GRM5: variants seen among roughly 807,000 people sequenced by gnomAD.
GRM5 encodes metabotropic glutamate receptor 5.
GRM5 carries 19 observed loss-of-function variants against 83.1 expected under a neutral mutation model. The ratio of observed to expected loss-of-function variants is 0.23; its 90% CI spans 0.16 to 0.34. GRM5 has a LOEUF of 0.34. Ranked by LOEUF, GRM5 falls within the 10% of genes least tolerant of loss-of-function variation. GRM5 has a pLI of 1.00. For synonymous variants in GRM5, 675 were observed against 633.6 expected (o/e 1.07, Z -0.98); for missense variants, 1,160 against 1,588.3 (o/e 0.73, Z 4.58).
At chr11:88,590,353 C>T (rs1326387179) in intron 7 of GRM5, among the ~76,000 whole-genome samples, 1 of 152,092 alleles carries the variant, frequency 6.6e-6, no homozygotes. Flanking sequence ...GGGAAGAATG[C>T]CCAGTAGACA....
At chr11:88,821,751 C>T (rs1943799397) in intron 3 of GRM5, among the ~76,000 whole-genome samples, 1 of 152,098 alleles carries the variant, frequency 6.6e-6, no homozygotes. Flanking sequence ...TAAATCACTT[C>T]AAATTTTGAA....
intron 4 of GRM5, among the ~76,000 whole-genome samples, chr11:88,614,634 T>G (rs2135246744): frequency 6.6e-6 from 1 of 152,314 alleles, no homozygotes; most frequent in Non-Finnish European, 1.5e-5. Flanking sequence ...ACACTGTTTA[T>G]TGCATTGAAT....
At chr11:88,523,365 C>A (rs1049393680) in intron 9 of GRM5, among the ~76,000 whole-genome samples, 1 of 152,146 alleles carries the variant, frequency 6.6e-6, no homozygotes, top group African/African-American at 2.4e-5. Context: ...CTGGGAAGAG[C>A]CCTTGAGCAC....
At chr11:89,044,429 A>G (rs769503272) in intron 2 of GRM5, among the ~76,000 whole-genome samples, 6 of 152,208 alleles carry the variant, frequency 3.9e-5, no homozygotes, top group Non-Finnish European at 5.9e-5. Context: ...GTAAGAGATT[A>G]ACATCGAAGC....
chr11:88,558,309 G>A (rs938974644), intron 8 of GRM5, among the ~76,000 whole-genome samples: 3 of 152,072 alleles, frequency 2.0e-5, no homozygotes, highest in African/African-American at 7.2e-5. Context: ...TGTAAATACA[G>A]CCCCACATTC....
chr11:88,519,981 T>A (rs924809), intron 9 of GRM5, among the ~76,000 whole-genome samples: 94,710 of 152,022 alleles, frequency 0.62, 29,673 homozygotes, highest in South Asian at 0.67. Context: ...TGACACTCCG[T>A]GGTCACACAC....
intron 3 of GRM5, among the ~76,000 whole-genome samples, chr11:88,666,972 C>T (rs1755419890): frequency 6.6e-6 from 1 of 151,954 alleles, no homozygotes; most frequent in Non-Finnish European, 1.5e-5. Context: ...AACCCCATCC[C>T]AATCATTAGA....
chr11:88,793,749 G>A (rs1394620019), intron 3 of GRM5, among the ~76,000 whole-genome samples: 1 of 152,166 alleles, frequency 6.6e-6, no homozygotes, highest in Non-Finnish European at 1.5e-5. Context: ...AAGAAGTTAA[G>A]TAAGAAAGAA....
intron 2 of GRM5, among the ~76,000 whole-genome samples, chr11:88,923,332 A>C (rs1945725830): frequency 6.6e-6 from 1 of 152,152 alleles, no homozygotes; most frequent in Non-Finnish European, 1.5e-5. Flanking sequence ...GGATAAGGCA[A>C]ATGTAGCGCA....
chr11:88,860,801 T>C (rs547901988), intron 2 of GRM5, among the ~76,000 whole-genome samples: 4 of 152,162 alleles, frequency 2.6e-5, no homozygotes, highest in Non-Finnish European at 5.9e-5. Flanking sequence ...GCACTGTCAT[T>C]GTTGCCAAAT....
Position 88,567,384 on chromosome 11 carries a change from T to C in GRM5, c.2299A>G (p.Asn767Asp), listed in dbSNP as rs202028394. The C allele has an allele frequency of 6.2e-7, 1 of 1,614,114 alleles. No individual in the cohort carries two copies. The highest frequency in any genetic ancestry group is 8.5e-7 in the Non-Finnish European group (1 of 1,179,946). Reference protein sequence around the residue: ...YAFKTRNVPANFNEAKYIAFT... With the variant: ...YAFKTRNVPADFNEAKYIAFT... ...GCGATATACTTGGCCTCGTTGAAGTTAGCTGGAACATTTCTGGTCTTGAAC... is the reference window on the plus strand; with the variant it reads ...GCGATATACTTGGCCTCGTTGAAGTCAGCTGGAACATTTCTGGTCTTGAAC... Residue 767 changes from asparagine (N) to aspartate (D), a missense_variant, in exon 8 of 10, where the codon AAC (asparagine) becomes GAC (aspartate). Physicochemically the swap from Asn to Asp is conservative, Grantham distance 23. Around this residue, in one of 9 missense-constraint regions of GRM5, gnomAD observed 66 missense variants for 138.6 expected, o/e 0.48. Coordinates refer to ENST00000305447, the MANE Select transcript of GRM5 (RefSeq NM_001143831.3). This position sits in a 1 kb window ranked among gnomAD's most constrained non-coding sequence, Gnocchi z 7.3.
intron 2 of GRM5, among the ~76,000 whole-genome samples, chr11:88,851,938 G>T (rs1194617654): frequency 6.6e-6 from 1 of 152,062 alleles, no homozygotes; most frequent in Non-Finnish European, 1.5e-5. Flanking sequence ...GTGCCAAAGG[G>T]CCTAAATTAC....
chr11:88,796,144 T>A (rs573643557), intron 3 of GRM5, among the ~76,000 whole-genome samples: 1 of 152,246 alleles, frequency 6.6e-6, no homozygotes, highest in South Asian at 2.1e-4. Flanking sequence ...AAATAAGTAG[T>A]GGGAGAGACA....
intron 2 of GRM5, among the ~76,000 whole-genome samples, chr11:88,931,719 G>C (rs1590974344): frequency 6.6e-6 from 1 of 152,010 alleles, no homozygotes; most frequent in Non-Finnish European, 1.5e-5. Context: ...TTTTATTGTG[G>C]ATGATGTCAC....
chr11:88,890,307 C>T (rs1945122412), intron 2 of GRM5, among the ~76,000 whole-genome samples: 2 of 152,116 alleles, frequency 1.3e-5, no homozygotes, highest in African/African-American at 4.8e-5. Flanking sequence ...TAGGGATCTG[C>T]CTTTGCCTTC....
intron 4 of GRM5, among the ~76,000 whole-genome samples, chr11:88,632,451 C>T (rs1371916840): frequency 2.0e-5 from 3 of 151,934 alleles, no homozygotes; most frequent in African/African-American, 7.2e-5. Context: ...CCAGGTTGAT[C>T]TCGAGCTCCT....
At chr11:88,986,267 A>C (rs1338433977) in intron 2 of GRM5, among the ~76,000 whole-genome samples, 1 of 152,188 alleles carries the variant, frequency 6.6e-6, no homozygotes, top group Non-Finnish European at 1.5e-5. Flanking sequence ...GTATGGTTCA[A>C]TTTATATAAC....
At chr11:88,822,444 T>C (rs1943815553) in intron 3 of GRM5, among the ~76,000 whole-genome samples, 1 of 151,500 alleles carries the variant, frequency 6.6e-6, no homozygotes. Context: ...AAGACTTCAC[T>C]GAGGAAGTGA....
chr11:88,976,143 A>G (rs773241879), intron 2 of GRM5, among the ~76,000 whole-genome samples: 15 of 152,186 alleles, frequency 9.9e-5, no homozygotes, highest in Non-Finnish European at 1.6e-4. Flanking sequence ...ATGATTATTG[A>G]TTTTAACCTC....
Sources: allele counts gnomAD v4.1 joint callset (sites outside exome capture counted in the v4.1 genomes callset), GRCh38; gene constraint gnomAD v4.1.1; regional missense constraint gnomAD v4.1.1; non-coding constraint Gnocchi (gnomAD v3.1); transcripts MANE v1.5; gene names NCBI Gene and HGNC (gene_info 2026-07-23, HGNC 2026-07-21).